The following STAT5B variants were observed in gnomAD, a reference collection of about 807,000 sequenced individuals.
STAT5B encodes transcription factor STAT5B.
STAT5B carries 21 observed loss-of-function variants against 107.8 expected under a neutral mutation model. That is an observed-to-expected ratio of 0.19 (90% CI 0.14 to 0.28). The LOEUF is 0.28. Among genes scored for constraint, STAT5B ranks in the 10% least tolerant of loss-of-function variants. The pLI, the probability that STAT5B is intolerant of heterozygous loss-of-function variation, is 1.00. For synonymous variants in STAT5B, 325 were observed against 401.7 expected, an observed-to-expected ratio of 0.81 and a Z score of 2.28; for missense variants, 565 against 1,008.2, an observed-to-expected ratio of 0.56 and a Z score of 5.95.
In STAT5B at chr17:42,201,555, A is replaced by C. The variant is rs900853197; in HGVS notation, c.*183T>G. The C allele has an allele frequency of 3.8e-5, 25 of 658,366 alleles. No homozygotes were observed. Among genetic ancestry groups the C allele is most frequent in the South Asian group, 6.7e-5 (4 of 60,034 alleles). 40.8% of individuals were successfully genotyped at this position (658,366 alleles called of 1,614,324 possible). Reference sequence around the variant, plus strand: ...ACACACACACACACACACACACACAAACACATACTCGCACTCCCTTCGCTG... The same window carrying C: ...ACACACACACACACACACACACACACACACATACTCGCACTCCCTTCGCTG... On this transcript the variant is annotated 3_prime_UTR_variant, in exon 19 of 19. Coordinates refer to ENST00000293328, the MANE Select transcript of STAT5B (RefSeq NM_012448.4).
chr17:42,210,376 G>C (rs1472368974), intron 14 of STAT5B, 27 bp downstream of exon 14: 6 of 1,614,044 alleles, frequency 3.7e-6, no homozygotes, highest in Non-Finnish European at 5.1e-6. Flanking sequence ...AGACTCTGTC[G>C]GCGCCTTAAG....
At position 42,231,950 on chromosome 17, in the gene STAT5B, A is replaced by G. The variant is rs554560446; in HGVS notation, c.128+50T>C. The stretch of plus-strand genomic sequence containing the variant: ...CATGACATCTTTCTAAACAAACTCC[A>G]ATATTCTTGTGTTTCACAAAATATG... On this transcript the variant is annotated intron_variant, in intron 2 of 18. Transcript: ENST00000293328. 25 of 1,611,566 alleles carry G rather than the reference A, an allele frequency of 1.6e-5. No homozygotes were observed. In the East Asian group the frequency reaches 1.6e-4, roughly 10 times the overall value.
At chr17:42,268,939 T>C in intron 1 of STAT5B, among the ~76,000 whole-genome samples, 1 of 152,220 alleles carries the variant, frequency 6.6e-6, no homozygotes, top group East Asian at 1.9e-4. Flanking sequence ...AGAGATCAAG[T>C]GTTCAAGTTT....
At chr17:42,287,337 C>CCCCCCG in the STAT5B span, among the ~76,000 whole-genome samples, 330 of 151,128 alleles carry the variant, frequency 2.2e-3, 6 homozygotes, top group African/African-American at 7.6e-3. Context: ...TGCACCCCCC[C>CCCCCCG]CAACAGAACA....
intron 12 of STAT5B, among the ~76,000 whole-genome samples, chr17:42,215,306 C>T (rs1227187682): frequency 1.3e-5 from 2 of 152,130 alleles, no homozygotes; most frequent in African/African-American, 4.8e-5. Flanking sequence ...CTAGGAGTCC[C>T]AAATCCCATT....
In STAT5B at chr17:42,229,973, C is replaced by G. The variant is rs180990653; in HGVS notation, c.128+2027G>C. On this transcript the variant is annotated intron_variant, in intron 2 of 18. Transcript: ENST00000293328. ...TAATATCAACACAAGTCTTTTAATTCATTCAGTGAGAACACCAAATGAGAA... is the reference window on the plus strand; with the variant it reads ...TAATATCAACACAAGTCTTTTAATTGATTCAGTGAGAACACCAAATGAGAA... Among the ~76,000 whole-genome samples the G allele has an allele frequency of 5.9e-5, 9 of 152,174 alleles. No individual in the cohort carries two copies. The East Asian group carries it at 1.7e-3, about 29-fold the overall frequency.
At chr17:42,250,118 G>A (rs1488785606) in intron 1 of STAT5B, among the ~76,000 whole-genome samples, 1 of 152,030 alleles carries the variant, frequency 6.6e-6, no homozygotes, top group Non-Finnish European at 1.5e-5. Flanking sequence ...ATCGGTTCCC[G>A]GCTTAACTAT....
At chr17:42,259,717 G>C (rs1213041580) in intron 1 of STAT5B, among the ~76,000 whole-genome samples, 1 of 151,986 alleles carries the variant, frequency 6.6e-6, no homozygotes, top group Non-Finnish European at 1.5e-5. Context: ...AACCTGTCGG[G>C]GGGAGGCTTC....
At chr17:42,217,671 A>C (rs970462826) in intron 9 of STAT5B, 7 of 641,908 alleles carry the variant, frequency 1.1e-5, no homozygotes, top group Non-Finnish European at 1.9e-5. Context: ...TCTTCACAGA[A>C]AACAGTTCCT....
chr17:42,265,386 T>TTTTTTTTTTTTTTTTTG (rs2080660752), intron 1 of STAT5B, among the ~76,000 whole-genome samples: 1 of 148,088 alleles, frequency 6.8e-6, no homozygotes, highest in African/African-American at 2.6e-5. Context: ...TCTTTTTTTT[T>TTTTTTTTTTTTTTTTTG]TTTGAGACGA....
rs2080050978 is a variant in STAT5B at position 42,202,270 on chromosome 17, C to T, written c.2237+70G>A. ...GCTCTGGATTCCTTTGACCCCAGCC[C>T]TCCAGGGGTCCAGCCTGGGGCCAAG... is the stretch of plus-strand genomic sequence containing the variant. On this transcript the variant is annotated intron_variant, in intron 18 of 18. Coordinates refer to ENST00000293328, the MANE Select transcript of STAT5B (RefSeq NM_012448.4). 3.8e-6 allele frequency: 6 copies of T among 1,579,462 alleles called. No homozygotes were observed. In the Admixed American group the frequency reaches 1.0e-4, roughly 27 times the overall value.
chr17:42,245,073 ATTT>A (rs745914040), intron 1 of STAT5B, among the ~76,000 whole-genome samples: 5 of 105,474 alleles, frequency 4.7e-5, no homozygotes, highest in Admixed American at 9.7e-5. Context: ...TGCCTGGCTA[ATTT>A]TTTTTTTTTT....
In STAT5B at chr17:42,270,287, A is replaced by C. The variant is rs533910895; in HGVS notation, c.-11+5961T>G. On this transcript the variant is annotated intron_variant, in intron 1 of 18. Transcript: ENST00000293328. ...CAGAAATCATGACTAATGCTCTAAA[A>C]AGCTTTAATGCAACAAGAATAGGAC... Among the ~76,000 whole-genome samples the C allele has an allele frequency of 1.7e-4, 26 of 152,314 alleles. No individual in the cohort carries two copies. The South Asian group carries it at 5.4e-3, about 32-fold the overall frequency.
chr17:42,217,520 G>A (rs944750834), intron 9 of STAT5B, 56 bp from the exon 10 acceptor site: 2 of 1,592,264 alleles, frequency 1.3e-6, no homozygotes, highest in South Asian at 1.1e-5. Context: ...AGGACATGCG[G>A]AGTAAATAAT....
chr17:42,228,298 A>G (rs1295957522), intron 2 of STAT5B, among the ~76,000 whole-genome samples: 1 of 152,224 alleles, frequency 6.6e-6, no homozygotes, highest in Non-Finnish European at 1.5e-5. Flanking sequence ...CAACTTTTCC[A>G]GTAAACAAGG....
Position 42,201,103 on chromosome 17 carries a change from G to C in STAT5B, c.*635C>G, listed in dbSNP as rs549000823. On this transcript the variant is annotated 3_prime_UTR_variant, in exon 19 of 19. Coordinates refer to ENST00000293328, the MANE Select transcript of STAT5B (RefSeq NM_012448.4). ...GCTAAATGTTTTGTGAAAAGCCACC[G>C]CCCATCCGAAAGCTTGTGACTTCCC... 2.5e-6 allele frequency: 1 copy of C among 403,582 alleles called. No homozygotes were observed. The highest frequency in any genetic ancestry group is 4.4e-6 in the Non-Finnish European group (1 of 228,984). The allele number at this position is 403,582 out of a possible 1,614,324, so 25.0% of individuals were successfully genotyped here. A position where few individuals can be genotyped will look rare whatever the true frequency, so the allele number is the denominator to read the frequency against.
chr17:42,257,323 G>C (rs780867551), intron 1 of STAT5B, among the ~76,000 whole-genome samples: 1 of 152,160 alleles, frequency 6.6e-6, no homozygotes, highest in Non-Finnish European at 1.5e-5. Context: ...GACAAAGTCT[G>C]TGTGTTCAAA....
At chr17:42,235,221 T>C (rs193135564) in intron 1 of STAT5B, 2 of 152,362 alleles carry the variant, frequency 1.3e-5, no homozygotes, top group East Asian at 1.9e-4. Context: ...ATTCCTGATA[T>C]TGATCATATA....
At chr17:42,283,981 CG>C in the STAT5B span, among the ~76,000 whole-genome samples, 1 of 152,078 alleles carries the variant, frequency 6.6e-6, no homozygotes, top group Non-Finnish European at 1.5e-5. Context: ...TCCCCTTTGC[CG>C]CAGGGTGAAA....
Sources: allele counts gnomAD v4.1 joint callset (sites outside exome capture counted in the v4.1 genomes callset), GRCh38; gene constraint gnomAD v4.1.1; transcripts MANE v1.5; gene names NCBI Gene and HGNC (gene_info 2026-07-23, HGNC 2026-07-21).